CELF4: variants seen among roughly 807,000 people sequenced by gnomAD.
The protein encoded by CELF4 is CUGBP Elav-like family member 4.
CELF4 carries 18 observed loss-of-function variants against 59.9 expected under a neutral mutation model. The ratio of observed to expected loss-of-function variants is 0.30; its 90% CI spans 0.21 to 0.45. The LOEUF is 0.45. Among genes scored for constraint, CELF4 ranks in the 20% least tolerant of loss-of-function variants. The pLI, the probability that CELF4 is intolerant of heterozygous loss-of-function variation, is 1.00. For missense variants in CELF4, 456 were observed against 689.0 expected (o/e 0.66, Z 3.79); for synonymous variants, 261 against 267.1 (o/e 0.98, Z 0.22).
At chr18:37,556,428 C>A (rs539165106) in intron 1 of CELF4, among the ~76,000 whole-genome samples, 1 of 152,240 alleles carries the variant, frequency 6.6e-6, no homozygotes, top group African/African-American at 2.4e-5. Flanking sequence ...GAAAGCCTGG[C>A]ATGCCAGCAG....
At chr18:37,431,439 C>A (rs931383356) in intron 2 of CELF4, among the ~76,000 whole-genome samples, 1 of 144,192 alleles carries the variant, frequency 6.9e-6, no homozygotes, top group African/African-American at 2.6e-5. Flanking sequence ...GCAATCTCAG[C>A]TCACTGCAAG....
chr18:37,273,744 CA>C (rs2092376240), intron 6 of CELF4: 2 of 988,180 alleles, frequency 2.0e-6, no homozygotes, highest in African/African-American at 3.5e-5. Context: ...GCCTCAGTGC[CA>C]CCCACATGGG....
intron 3 of CELF4, among the ~76,000 whole-genome samples, chr18:37,281,831 G>A (rs999675926): frequency 2.6e-5 from 4 of 152,174 alleles, no homozygotes; most frequent in African/African-American, 9.7e-5. Context: ...TGGATCCCAG[G>A]GTCTTCTACT....
chr18:37,289,016 C>T (rs2095090918), intron 3 of CELF4, among the ~76,000 whole-genome samples: 1 of 152,168 alleles, frequency 6.6e-6, no homozygotes, highest in South Asian at 2.1e-4. Context: ...TGCTATTCAC[C>T]ACTCAGTCCG....
intron 1 of CELF4, among the ~76,000 whole-genome samples, chr18:37,545,155 C>T (rs1000397201): frequency 3.3e-5 from 5 of 152,200 alleles, no homozygotes; most frequent in Admixed American, 1.3e-4. Context: ...GCACCAGTGC[C>T]CAACAGCAGC....
intron 9 of CELF4, chr18:37,266,242 G>C: frequency 1.9e-6 from 1 of 540,300 alleles, no homozygotes; most frequent in Non-Finnish European, 3.3e-6. Context: ...AAGCTCCATG[G>C]GGAAGGGAAA....
At chr18:37,274,006 A>G in intron 6 of CELF4, 3 of 1,217,414 alleles carry the variant, frequency 2.5e-6, no homozygotes, top group Non-Finnish European at 3.1e-6. Flanking sequence ...CTGGGGTTCA[A>G]CGTTGATCTG....
intron 2 of CELF4, among the ~76,000 whole-genome samples, chr18:37,367,476 G>A (rs180780277): frequency 1.2e-3 from 183 of 152,058 alleles, no homozygotes; most frequent in Non-Finnish European, 2.0e-3. Flanking sequence ...AGGACAGAGG[G>A]AAAGGATGCT....
In CELF4 at chr18:37,259,389, G is replaced by T. The variant is rs753720335; in HGVS notation, c.1250-125C>A. On this transcript the variant is annotated intron_variant, in intron 10 of 12. Transcript: ENST00000420428. ...GGGGTGGGGGCAAGGTTAGGAGGGGGAGTCTCATTCCAGATCCAAGGGCGC... is the reference window on the plus strand; with the variant it reads ...GGGGTGGGGGCAAGGTTAGGAGGGGTAGTCTCATTCCAGATCCAAGGGCGC... 211 of 469,626 alleles carry T rather than the reference G, an allele frequency of 4.5e-4. 15 individuals carry two copies. Among genetic ancestry groups the T allele is most frequent in the Non-Finnish European group, 1.2e-4 (30 of 256,194 alleles). 29.1% of individuals were successfully genotyped at this position (469,626 alleles called of 1,614,324 possible). A position where few individuals can be genotyped will look rare whatever the true frequency, so the allele number is the denominator to read the frequency against.
intron 1 of CELF4, among the ~76,000 whole-genome samples, chr18:37,533,763 C>T (rs1221498462): frequency 6.6e-6 from 1 of 152,206 alleles, no homozygotes; most frequent in Non-Finnish European, 1.5e-5. Context: ...ATGTCCCTCT[C>T]CTGGAGAAAG....
At chr18:37,351,242 G>C (rs2098435101) in intron 2 of CELF4, among the ~76,000 whole-genome samples, 1 of 152,182 alleles carries the variant, frequency 6.6e-6, no homozygotes, top group Non-Finnish European at 1.5e-5. Flanking sequence ...CAAAAGTTCT[G>C]AAGGCATCGT....
intron 1 of CELF4, among the ~76,000 whole-genome samples, chr18:37,554,230 G>C (rs1454076622): frequency 2.0e-5 from 3 of 152,200 alleles, no homozygotes; most frequent in Non-Finnish European, 4.4e-5. Context: ...GGCTCTGCAA[G>C]GAAGGCTGGG....
chr18:37,315,628 C>T (rs1275406167), intron 3 of CELF4, among the ~76,000 whole-genome samples: 1 of 152,136 alleles, frequency 6.6e-6, no homozygotes, highest in Non-Finnish European at 1.5e-5. Context: ...CCATGGAGCA[C>T]CCCCCAGTGT....
chr18:37,493,396 A>G (rs1385288179), intron 1 of CELF4, among the ~76,000 whole-genome samples: 3 of 152,238 alleles, frequency 2.0e-5, no homozygotes, highest in African/African-American at 7.2e-5. Context: ...GTGTTCACCC[A>G]GAATGTAAAT....
chr18:37,433,532 T>C (rs950232458), intron 2 of CELF4, among the ~76,000 whole-genome samples: 5 of 152,246 alleles, frequency 3.3e-5, no homozygotes, highest in African/African-American at 1.2e-4. Flanking sequence ...AGGCAAATGA[T>C]GGTGCTATTA....
At chr18:37,389,226 C>T (rs1786783) in intron 2 of CELF4, among the ~76,000 whole-genome samples, 125,818 of 152,024 alleles carry the variant, frequency 0.83, 52,165 homozygotes, top group East Asian at 0.93. Context: ...AGGTGGGGCA[C>T]GGTGAGACAT....
At chr18:37,299,942 C>T (rs958329910) in intron 3 of CELF4, among the ~76,000 whole-genome samples, 1 of 152,136 alleles carries the variant, frequency 6.6e-6, no homozygotes, top group Non-Finnish European at 1.5e-5. Flanking sequence ...GAGTGCAGAG[C>T]CACAACCCCC....
At chr18:37,474,663 A>C (rs2099843706) in intron 2 of CELF4, among the ~76,000 whole-genome samples, 1 of 152,200 alleles carries the variant, frequency 6.6e-6, no homozygotes, top group South Asian at 2.1e-4. Context: ...TAAATGAGAT[A>C]ATATTTGTGA....
At chr18:37,377,821 A>C (rs987075753) in intron 2 of CELF4, among the ~76,000 whole-genome samples, 1 of 152,090 alleles carries the variant, frequency 6.6e-6, no homozygotes, top group African/African-American at 2.4e-5. Context: ...GGCTGATGCC[A>C]CTGGAGGAAA....
Sources: gnomAD v4.1 joint callset for allele counts (sites outside exome capture counted in the v4.1 genomes callset) on GRCh38, gnomAD v4.1.1 for gene constraint, MANE v1.5 for transcripts, NCBI Gene and HGNC (gene_info 2026-07-23, HGNC 2026-07-21) for gene names.